PLPPR1: variants seen among roughly 807,000 people sequenced by gnomAD.
PLPPR1 encodes phospholipid phosphatase related 1.
PLPPR1 carries 10 observed loss-of-function variants against 33.1 expected under a neutral mutation model. The ratio of observed to expected loss-of-function variants is 0.30; its 90% confidence interval spans 0.19 to 0.51. The LOEUF (loss-of-function observed/expected upper bound fraction) is 0.51. Ranked by LOEUF, PLPPR1 falls within the 20% of genes least tolerant of loss-of-function variation. The probability of loss-of-function intolerance (pLI) is 0.97; values close to 1 mark genes in which losing one functional copy is unlikely to be tolerated. For synonymous variants in PLPPR1, 151 were observed against 151.0 expected (o/e 1.00, Z 0.00); for missense variants, 304 against 408.1 (o/e 0.74, Z 2.20).
chr9:101,061,092 G>A (rs1164777164), intron 1 of PLPPR1, among the ~76,000 whole-genome samples: 2 of 151,790 alleles, frequency 1.3e-5, no homozygotes, highest in Admixed American at 6.6e-5. Context: ...TTCCCAGTGT[G>A]GATTATACCC....
intron 1 of PLPPR1, among the ~76,000 whole-genome samples, chr9:101,147,503 G>C (rs977827458): frequency 2.0e-5 from 3 of 152,092 alleles, no homozygotes; most frequent in Non-Finnish European, 4.4e-5. Flanking sequence ...CATAGAGACC[G>C]ATGAATTAAG....
intron 1 of PLPPR1, among the ~76,000 whole-genome samples, chr9:101,055,629 A>G (rs1419824681): frequency 6.6e-6 from 1 of 152,232 alleles, no homozygotes; most frequent in East Asian, 1.9e-4. Context: ...TAGATCATAT[A>G]AAATCACTTA....
At chr9:101,150,094 T>C (rs1254393138) in intron 1 of PLPPR1, among the ~76,000 whole-genome samples, 1 of 152,118 alleles carries the variant, frequency 6.6e-6, no homozygotes, top group African/African-American at 2.4e-5. Flanking sequence ...TTATCATGCT[T>C]TTATTTTTAT....
At chr9:101,238,329 A>G (rs1230620317) in intron 2 of PLPPR1, among the ~76,000 whole-genome samples, 5 of 120,404 alleles carry the variant, frequency 4.2e-5, no homozygotes, top group African/African-American at 1.7e-4. Context: ...GGATGTATAT[A>G]TACCTCTCTA....
chr9:101,081,426 C>T (rs1368613321), intron 1 of PLPPR1, among the ~76,000 whole-genome samples: 3 of 152,064 alleles, frequency 2.0e-5, no homozygotes, highest in Non-Finnish European at 4.4e-5. Flanking sequence ...AACTCCTGAC[C>T]TCATGATCCA....
chr9:101,060,575 A>C (rs1830334505), intron 1 of PLPPR1, among the ~76,000 whole-genome samples: 1 of 151,952 alleles, frequency 6.6e-6, no homozygotes, highest in African/African-American at 2.4e-5. Context: ...ACCATACATG[A>C]ATATGTATAA....
chr9:101,291,763 A>T (rs1828514236), intron 4 of PLPPR1, among the ~76,000 whole-genome samples: 1 of 152,210 alleles, frequency 6.6e-6, no homozygotes, highest in Admixed American at 6.5e-5. Context: ...ACAAACAGAA[A>T]GGACATCCAC....
chr9:101,047,345 A>G (rs1273165830), intron 1 of PLPPR1, among the ~76,000 whole-genome samples: 2 of 152,128 alleles, frequency 1.3e-5, no homozygotes, highest in Non-Finnish European at 2.9e-5. Context: ...ATCACTGTTG[A>G]TCAGAATTGG....
At chr9:101,295,332 C>A (rs1466492019) in intron 4 of PLPPR1, among the ~76,000 whole-genome samples, 8 of 151,854 alleles carry the variant, frequency 5.3e-5, no homozygotes, top group African/African-American at 1.9e-4. Context: ...ACATTCCATG[C>A]TCATGGGTAG....
At chr9:101,040,369 T>C (rs1046900569) in intron 1 of PLPPR1, among the ~76,000 whole-genome samples, 1 of 152,126 alleles carries the variant, frequency 6.6e-6, no homozygotes, top group Non-Finnish European at 1.5e-5. Flanking sequence ...TGGAATCTCT[T>C]TTTTCATACT....
At chr9:101,111,378 C>T (rs766030854) in intron 1 of PLPPR1, among the ~76,000 whole-genome samples, 18 of 152,036 alleles carry the variant, frequency 1.2e-4, no homozygotes, top group Non-Finnish European at 2.5e-4. Context: ...TTTCATAGTT[C>T]AGTAATGCTA....
At chr9:101,096,295 T>C (rs1410472493) in intron 1 of PLPPR1, among the ~76,000 whole-genome samples, 2 of 152,128 alleles carry the variant, frequency 1.3e-5, no homozygotes, top group East Asian at 3.9e-4. Flanking sequence ...ATAATCACAG[T>C]GGGAAGTGGC....
intron 3 of PLPPR1, among the ~76,000 whole-genome samples, chr9:101,279,330 C>T (rs1018371653): frequency 4.6e-5 from 7 of 152,086 alleles, no homozygotes; most frequent in African/African-American, 1.4e-4. Flanking sequence ...TGCAGATATA[C>T]AAAGCAAAAA....
At chr9:101,115,886 T>C (rs1428702247) in intron 1 of PLPPR1, among the ~76,000 whole-genome samples, 1 of 152,226 alleles carries the variant, frequency 6.6e-6, no homozygotes, top group African/African-American at 2.4e-5. Flanking sequence ...GCAACAATAA[T>C]AGTAATTTAC....
intron 1 of PLPPR1, among the ~76,000 whole-genome samples, chr9:101,129,703 C>A (rs1030285675): frequency 6.6e-6 from 1 of 151,978 alleles, no homozygotes; most frequent in Non-Finnish European, 1.5e-5. Context: ...TGGTGGCGGG[C>A]GCCTGTAGTC....
intron 7 of PLPPR1, among the ~76,000 whole-genome samples, chr9:101,320,434 C>T (rs943023992): frequency 6.6e-6 from 1 of 152,188 alleles, no homozygotes; most frequent in African/African-American, 2.4e-5. Flanking sequence ...TGGATGAATA[C>T]AAACTTGTCC....
rs997997310 is a variant in PLPPR1, at chr9:101,152,153, A to G, written c.-45-33297A>G. ...TTGCATTTCTCTGATGGCCAGTGAT[A>G]ATGAGCATTTTTTCATGTGTCTGTT... On this transcript the variant is annotated intron_variant, in intron 1 of 7. Transcript: ENST00000374874. 3.9e-5 allele frequency among the ~76,000 whole-genome samples: 6 copies of G among 152,130 alleles called. No individual in the cohort carries two copies. The South Asian group carries it at 8.3e-4, about 21-fold the overall frequency.
intron 1 of PLPPR1, among the ~76,000 whole-genome samples, chr9:101,122,780 T>A (rs1015826246): frequency 9.2e-5 from 14 of 152,236 alleles, no homozygotes; most frequent in African/African-American, 3.4e-4. Flanking sequence ...TGTATACTAC[T>A]GTACTTCCAT....
chr9:101,096,062 T>G (rs1230511241), intron 1 of PLPPR1, among the ~76,000 whole-genome samples: 1 of 152,120 alleles, frequency 6.6e-6, no homozygotes, highest in Admixed American at 6.6e-5. Flanking sequence ...TTACAATTGC[T>G]GGAACAATTT....
Sources: allele counts gnomAD v4.1 joint callset (sites outside exome capture counted in the v4.1 genomes callset), GRCh38; gene constraint gnomAD v4.1.1; transcripts MANE v1.5; gene names NCBI Gene and HGNC (gene_info 2026-07-23, HGNC 2026-07-21).